DST: variants seen among roughly 807,000 people sequenced by gnomAD.
DST encodes the protein dystonin.
DST carries 253 observed loss-of-function variants against 875.2 expected under a neutral mutation model. The observed-to-expected ratio is 0.29, with a 90% confidence interval of 0.26 to 0.32. The LOEUF (loss-of-function observed/expected upper bound fraction) is 0.32. DST is among the 10% of genes least tolerant of loss of function. The pLI, the probability that DST is intolerant of heterozygous loss-of-function variation, is 1.00. For missense variants in DST, 8,287 were observed against 9,111.6 expected, an observed-to-expected ratio of 0.91 and a Z score of 3.68; for synonymous variants, 3,124 against 3,197.1, an observed-to-expected ratio of 0.98 and a Z score of 0.77.
chr6:56,506,621 A>G, intron 76 of DST, 46 bp downstream of exon 76: 9 of 1,610,326 alleles, frequency 5.6e-6, no homozygotes, highest in Non-Finnish European at 7.6e-6. Flanking sequence ...ATTTTAGTTA[A>G]CTAAAAACTT....
chr6:56,913,480 G>A (rs533377568), intron 2 of DST, among the ~76,000 whole-genome samples: 2 of 152,170 alleles, frequency 1.3e-5, no homozygotes, highest in Admixed American at 6.5e-5. Flanking sequence ...TTGGAACACA[G>A]CCATGTCCAT....
rs2098490008 is a variant in DST, at chr6:56,605,792, T to C, written c.8836A>G (p.Ile2946Val). The change falls in exon 40 of 104, where the codon ATC (isoleucine) becomes GTC (valine). Residue 2946 changes from isoleucine to valine, a missense_variant. Transcript: ENST00000680361. ...PASISHDNNN[I>V]SSTSELGTDL... ...GTACCTAATTCAGAAGTTGAACTGA[T>C]ATTATTATTATCATGTGAAATACTT... 1 of 1,612,336 alleles carries C rather than the reference T, an allele frequency of 6.2e-7. No individual in the cohort carries two copies. Among genetic ancestry groups the C allele is most frequent in the Non-Finnish European group, 8.5e-7 (1 of 1,179,046 alleles).
At chr6:56,741,264 T>A (rs2099545874) in intron 4 of DST, among the ~76,000 whole-genome samples, 1 of 152,216 alleles carries the variant, frequency 6.6e-6, no homozygotes, top group Non-Finnish European at 1.5e-5. Context: ...AAAGCACTGC[T>A]AATAACATGA....
chr6:56,779,625 CATTT>C (rs2099687767), intron 4 of DST, among the ~76,000 whole-genome samples: 1 of 151,818 alleles, frequency 6.6e-6, no homozygotes, highest in African/African-American at 2.4e-5. Flanking sequence ...TTCCCAGCAC[CATTT>C]ATTAAATAGG....
Position 56,900,581 on chromosome 6 carries a change from G to C in DST, c.257C>G (p.Ala86Gly), listed in dbSNP as rs376122846. 2.4e-4 allele frequency: 326 copies of C among 1,367,502 alleles called. No homozygotes were observed. The highest frequency in any genetic ancestry group is 3.1e-4 in the Non-Finnish European group (318 of 1,021,838). 84.7% of individuals were successfully genotyped at this position (1,367,502 alleles called of 1,614,324 possible). The change falls in exon 3 of 104, where the codon GCA becomes GGA. Residue 86 changes from alanine (A) to glycine (G), a missense_variant. By Grantham distance (60) the Ala-to-Gly change is moderately conservative (BLOSUM62 0). Coordinates refer to ENST00000680361, the MANE Select transcript of DST (RefSeq NM_001374736.1). ...TTCCAGACGGGCAGCTGCGGCCGCT[G>C]CAACTCGTCTTCTAAGATGCCGAGG... ...ASPRHLRRRVAAAAAARLEEV... is the reference protein window; with the variant it reads ...ASPRHLRRRVGAAAAARLEEV...
intron 36 of DST, among the ~76,000 whole-genome samples, chr6:56,624,177 T>C (rs540759373): frequency 2.0e-4 from 31 of 152,252 alleles, no homozygotes; most frequent in African/African-American, 7.2e-4. Flanking sequence ...GCAGTAACTA[T>C]ACTTCAAAGA....
chr6:56,722,265 T>G (rs2099420151), intron 5 of DST, among the ~76,000 whole-genome samples: 2 of 152,376 alleles, frequency 1.3e-5, no homozygotes, highest in Admixed American at 1.3e-4. Flanking sequence ...AGGAGATGAA[T>G]TATCCAATTG....
At chr6:56,557,577 C>A in intron 58 of DST, 59 bp from the exon 59 acceptor site, 1 of 1,257,634 alleles carries the variant, frequency 8.0e-7, no homozygotes, top group East Asian at 2.5e-5. Flanking sequence ...ATGACTATGT[C>A]TATGAGGACT....
Position 56,842,908 on chromosome 6 carries a change from C to G in DST, c.625+8489G>C, listed in dbSNP as rs1591545530. On this transcript the variant is annotated intron_variant, in intron 4 of 103. Coordinates refer to ENST00000680361, the MANE Select transcript of DST (RefSeq NM_001374736.1). The stretch of plus-strand genomic sequence containing the variant: ...TCCCTGCGCTGGGGGTACTAAATCC[C>G]GTGCAAAAAGACCTGGTCCATTCCC... 14 of 714,872 alleles carry G rather than the reference C, an allele frequency of 2.0e-5. No homozygotes were observed. The East Asian group carries it at 4.8e-4, about 24-fold the overall frequency. 44.3% of individuals were successfully genotyped at this position (714,872 alleles called of 1,614,324 possible). A position where few individuals can be genotyped will look rare whatever the true frequency, so the allele number is the denominator to read the frequency against.
chr6:56,876,903 T>G (rs575214622), intron 3 of DST, among the ~76,000 whole-genome samples: 7 of 152,160 alleles, frequency 4.6e-5, no homozygotes, highest in Non-Finnish European at 7.3e-5. Context: ...CTGAATCCTA[T>G]ATCCTCCCCA....
intron 3 of DST, among the ~76,000 whole-genome samples, chr6:56,891,195 C>G (rs992381607): frequency 2.0e-5 from 3 of 152,208 alleles, no homozygotes; most frequent in Admixed American, 2.0e-4. Context: ...AAGGAGCCAA[C>G]AGCCTTCTCA....
chr6:56,871,375 G>A, intron 3 of DST: 10 of 1,245,522 alleles, frequency 8.0e-6, no homozygotes, highest in Non-Finnish European at 1.2e-5. Context: ...CCATTCCAAC[G>A]TTACAATGCT....
At chr6:56,848,591 GT>G (rs1331266596) in intron 4 of DST, among the ~76,000 whole-genome samples, 1 of 152,160 alleles carries the variant, frequency 6.6e-6, no homozygotes, top group Non-Finnish European at 1.5e-5. Context: ...TGAGTGGCCA[GT>G]TTAACACATA....
chr6:56,571,852 C>A (rs935855247), intron 53 of DST, among the ~76,000 whole-genome samples: 1 of 152,140 alleles, frequency 6.6e-6, no homozygotes, highest in Non-Finnish European at 1.5e-5. Context: ...CCACCGCCAT[C>A]GTTTTTCTTA....
At chr6:56,616,620 G>T (rs778333817) in intron 36 of DST, 1 of 1,614,184 alleles carries the variant, frequency 6.2e-7, no homozygotes, top group South Asian at 1.1e-5. Context: ...GATGGCTCAT[G>T]TAAAAACTGT....
chr6:56,942,440 T>C (rs1817095037), intron 2 of DST, among the ~76,000 whole-genome samples: 1 of 152,164 alleles, frequency 6.6e-6, no homozygotes, highest in African/African-American at 2.4e-5. Flanking sequence ...GGATATGTTT[T>C]AGAAGTTCTA....
At chr6:56,576,058 G>A (rs2097858457) in intron 50 of DST, among the ~76,000 whole-genome samples, 1 of 152,128 alleles carries the variant, frequency 6.6e-6, no homozygotes, top group African/African-American at 2.4e-5. Context: ...TGAAGATTGA[G>A]CTGCTACCAA....
chr6:56,656,351 C>T (rs1401769031), intron 10 of DST, among the ~76,000 whole-genome samples: 1 of 152,246 alleles, frequency 6.6e-6, no homozygotes, highest in East Asian at 1.9e-4. Flanking sequence ...CTTCTAGGTT[C>T]TCCTCCCTTC....
intron 2 of DST, among the ~76,000 whole-genome samples, chr6:56,916,214 G>A (rs890472300): frequency 6.6e-6 from 1 of 152,172 alleles, no homozygotes; most frequent in Non-Finnish European, 1.5e-5. Flanking sequence ...AAGAGCCATA[G>A]GACACTAGGT....
Sources: gnomAD v4.1 joint callset for allele counts (sites outside exome capture counted in the v4.1 genomes callset) on GRCh38, gnomAD v4.1.1 for gene constraint, MANE v1.5 for transcripts, NCBI Gene and HGNC (gene_info 2026-07-23, HGNC 2026-07-21) for gene names.